Variants in ARL5B observed in about 807,000 individuals in gnomAD.
ARL5B encodes ARF like GTPase 5B, also known as ADP-ribosylation factor-like protein 5B.
ARL5B carries 10 observed loss-of-function variants against 26.9 expected under a neutral mutation model. That is an observed-to-expected ratio of 0.37 (90% confidence interval 0.23 to 0.63). The LOEUF (loss-of-function observed/expected upper bound fraction) is 0.63. Among genes scored for constraint, ARL5B ranks in the 30% least tolerant of loss-of-function variants. The probability of loss-of-function intolerance (pLI) is 0.62; values close to 1 mark genes in which losing one functional copy is unlikely to be tolerated. For synonymous variants in ARL5B, 87 were observed against 70.4 expected (o/e 1.24, Z -1.18); for missense variants, 167 against 213.9 (o/e 0.78, Z 1.37).
chr10:18,666,423 A>G, intron 1 of ARL5B, 152 bp from the exon 2 acceptor site: 1 of 593,220 alleles, frequency 1.7e-6, no homozygotes, highest in Non-Finnish European at 2.8e-6. Flanking sequence ...GGTAGCCTTA[A>G]CATCATAACA....
chr10:18,668,943 T>C (rs1386329486), intron 3 of ARL5B, among the ~76,000 whole-genome samples: 6 of 151,984 alleles, frequency 3.9e-5, no homozygotes, highest in Non-Finnish European at 8.8e-5. Context: ...CTAATTTTTG[T>C]ATGTTTAGTA....
At chr10:18,668,193 G>T (rs1285640886) in intron 2 of ARL5B, among the ~76,000 whole-genome samples, 1 of 152,018 alleles carries the variant, frequency 6.6e-6, no homozygotes, top group Non-Finnish European at 1.5e-5. Context: ...TTTCAGGATG[G>T]CATGGGACAT....
rs1181201990 is a variant in ARL5B, at chr10:18,659,520, C to T, written c.-118C>T. On this transcript the variant is annotated 5_prime_UTR_variant, in exon 1 of 6. Coordinates refer to ENST00000377275, the MANE Select transcript of ARL5B (RefSeq NM_178815.5). Reference sequence around the variant, plus strand: ...CGAGGCTTCTCGGCCTAGCAGTGCCCTCGCTGCGCGATCTCAGGCGGGTTC... The same window carrying T: ...CGAGGCTTCTCGGCCTAGCAGTGCCTTCGCTGCGCGATCTCAGGCGGGTTC... 7 of 1,342,168 alleles carry T rather than the reference C, an allele frequency of 5.2e-6. No individual in the cohort carries two copies. Among genetic ancestry groups the T allele is most frequent in the Non-Finnish European group, 5.9e-6 (6 of 1,013,336 alleles). The allele number at this position is 1,342,168 out of a possible 1,614,324, so 83.1% of individuals were successfully genotyped here. A position where few individuals can be genotyped will look rare whatever the true frequency, so the allele number is the denominator to read the frequency against.
rs564834559 is a variant in ARL5B, at chr10:18,679,006, G to C, written c.*3790G>C. 1 of 151,572 alleles carries C rather than the reference G, an allele frequency of 6.6e-6. No homozygotes were observed. The highest frequency in any genetic ancestry group is 1.5e-5 in the Non-Finnish European group (1 of 67,616). 9.4% of individuals were successfully genotyped at this position (151,572 alleles called of 1,614,324 possible). A position where few individuals can be genotyped will look rare whatever the true frequency, so the allele number is the denominator to read the frequency against. On this transcript the variant is annotated 3_prime_UTR_variant, in exon 6 of 6. Transcript: ENST00000377275. ...TTAAAAATTAAAAATCCCTCAAATA[G>C]TAGGGCAATACAGGTAATATGAAAT...
chr10:18,669,269 T>C (rs1306650947), intron 3 of ARL5B, among the ~76,000 whole-genome samples: 1 of 152,194 alleles, frequency 6.6e-6, no homozygotes, highest in African/African-American at 2.4e-5. Flanking sequence ...AAGATTTTCA[T>C]GTCTCCAGGG....
At chr10:18,664,429 CTTTTTT>C (rs140830487) in intron 1 of ARL5B, among the ~76,000 whole-genome samples, 7 of 67,222 alleles carry the variant, frequency 1.0e-4, no homozygotes, top group African/African-American at 1.7e-4. Flanking sequence ...ACAGTAGTGT[CTTTTTT>C]TTTTTTTTTT....
intron 2 of ARL5B, 106 bp downstream of exon 2, chr10:18,666,741 GTTT>G (rs45622941): frequency 0.068 from 58,369 of 854,824 alleles, 2,333 homozygotes; most frequent in Non-Finnish European, 0.085. Flanking sequence ...TTAAATATAT[GTTT>G]TTTGTTTTTT....
intron 1 of ARL5B, among the ~76,000 whole-genome samples, chr10:18,662,259 G>T (rs1319487141): frequency 1.3e-5 from 2 of 152,216 alleles, no homozygotes; most frequent in African/African-American, 4.8e-5. Flanking sequence ...AAGAACTACT[G>T]ATCTTACTTT....
At position 18,674,872 on chromosome 10, in the gene ARL5B, G is replaced by A. The variant is rs1108851; in HGVS notation, c.492-296G>A. 5.7e-3 allele frequency among the ~76,000 whole-genome samples: 872 copies of A among 152,148 alleles called. 11 individuals are homozygous for A. Among genetic ancestry groups the A allele is most frequent in the African/African-American group, 0.02 (832 of 41,514 alleles). On this transcript the variant is annotated intron_variant, in intron 5 of 5. Coordinates refer to ENST00000377275, the MANE Select transcript of ARL5B (RefSeq NM_178815.5). Reference sequence around the variant, plus strand: ...AAGTTGCTATTGACTTTCTCCAGTCGTTAAGTTTCAGTTAATTTTAAAAGG... The same window carrying A: ...AAGTTGCTATTGACTTTCTCCAGTCATTAAGTTTCAGTTAATTTTAAAAGG...
intron 1 of ARL5B, among the ~76,000 whole-genome samples, chr10:18,662,585 C>T (rs1226201122): frequency 6.6e-6 from 1 of 152,112 alleles, no homozygotes; most frequent in Non-Finnish European, 1.5e-5. Context: ...TGATAGCTCA[C>T]CTCTAAAGTT....
chr10:18,666,707 G>A (rs1057460820), intron 2 of ARL5B, 72 bp downstream of exon 2: 1 of 1,258,008 alleles, frequency 7.9e-7, no homozygotes, highest in Non-Finnish European at 1.1e-6. Flanking sequence ...AATAAGAGAT[G>A]CATTATAATA....
At chr10:18,662,396 G>A (rs952650597) in intron 1 of ARL5B, among the ~76,000 whole-genome samples, 6 of 152,114 alleles carry the variant, frequency 3.9e-5, no homozygotes, top group Admixed American at 1.3e-4. Flanking sequence ...ATACTAAAGC[G>A]TGTGTTGTCT....
chr10:18,670,495 C>G (rs1012515009), intron 3 of ARL5B, among the ~76,000 whole-genome samples: 2 of 152,118 alleles, frequency 1.3e-5, no homozygotes, highest in Non-Finnish European at 2.9e-5. Context: ...CCTGTAGTCC[C>G]AGCTACTCCA....
In ARL5B at chr10:18,680,436, T is replaced by TG. The variant is rs2059927619; in HGVS notation, c.*5222dup. On this transcript the variant is annotated 3_prime_UTR_variant, in exon 6 of 6. Coordinates refer to ENST00000377275, the MANE Select transcript of ARL5B (RefSeq NM_178815.5). ...GGGAAAGGAGAAATCCTAAATTTGA[T>TG]GGATTCTTTTATACTGTGAATATAT... 1 of 152,220 alleles carries TG rather than the reference T, an allele frequency of 6.6e-6. No individual in the cohort carries two copies. Among genetic ancestry groups the TG allele is most frequent in the East Asian group, 1.9e-4 (1 of 5,192 alleles). 9.4% of individuals were successfully genotyped at this position (152,220 alleles called of 1,614,324 possible).
chr10:18,671,332 T>C (rs1443431039), intron 3 of ARL5B, among the ~76,000 whole-genome samples: 2 of 151,946 alleles, frequency 1.3e-5, no homozygotes, highest in Non-Finnish European at 1.5e-5. Flanking sequence ...CCACCACACC[T>C]GGCTGATTTT....
chr10:18,668,646 C>T lies in ARL5B; in HGVS notation c.224C>T (p.Ser75Leu). The part of the protein sequence containing the change: ...WDIGGQESLR[S>L]SWNTYYSNTE... ...ATTGGTGGTCAGGAGTCTCTGCGAT[C>T]ATCCTGGAACACATATTACTCAAAT... The change falls in exon 3 of 6, where the codon TCA becomes TTA. Residue 75 changes from serine to leucine, a missense_variant. Ser to Leu is a moderately radical substitution (Grantham distance 145). Transcript: ENST00000377275. 6.2e-7 allele frequency: 1 copy of T among 1,614,028 alleles called. No individual in the cohort carries two copies. The highest frequency in any genetic ancestry group is 8.5e-7 in the Non-Finnish European group (1 of 1,180,006).
In ARL5B at chr10:18,679,102, G is replaced by A. The variant is rs566719160; in HGVS notation, c.*3886G>A. 6.6e-6 allele frequency: 1 copy of A among 151,550 alleles called. No homozygotes were observed. The highest frequency in any genetic ancestry group is 1.5e-5 in the Non-Finnish European group (1 of 67,726). 9.4% of individuals were successfully genotyped at this position (151,550 alleles called of 1,614,324 possible). A position where few individuals can be genotyped will look rare whatever the true frequency, so the allele number is the denominator to read the frequency against. ...TTAGAATACGAATACAACCAAGTAG[G>A]GAAAAACGTATCAGTAACTGCTATT... On this transcript the variant is annotated 3_prime_UTR_variant, in exon 6 of 6. Coordinates refer to ENST00000377275, the MANE Select transcript of ARL5B (RefSeq NM_178815.5).
chr10:18,662,717 T>C (rs925620860), intron 1 of ARL5B, among the ~76,000 whole-genome samples: 2 of 151,730 alleles, frequency 1.3e-5, no homozygotes, highest in African/African-American at 4.8e-5. Context: ...TTTTTTTTTT[T>C]TAATGAGATG....
chr10:18,673,298 T>C (rs529848553), intron 4 of ARL5B, among the ~76,000 whole-genome samples: 7 of 152,060 alleles, frequency 4.6e-5, no homozygotes, highest in African/African-American at 1.7e-4. Context: ...CTGATGTCGT[T>C]ATCCGCCTGC....
Sources: allele counts gnomAD v4.1 joint callset (sites outside exome capture counted in the v4.1 genomes callset), GRCh38; gene constraint gnomAD v4.1.1; transcripts MANE v1.5; gene names NCBI Gene and HGNC (gene_info 2026-07-23, HGNC 2026-07-21).